The following DRD3 variants were observed in gnomAD, a reference collection of about 807,000 sequenced individuals.
DRD3 encodes the protein D(3) dopamine receptor.
A neutral mutation model predicts 36.3 loss-of-function variants in DRD3; 19 were observed. That is an observed-to-expected ratio of 0.52 (90% CI 0.36 to 0.77). The LOEUF (loss-of-function observed/expected upper bound fraction) is 0.77, where lower values mean the gene tolerates loss of function less well. Ranked by LOEUF, DRD3 falls within the 30% of genes least tolerant of loss-of-function variation. DRD3 has a pLI of 0.00. For missense variants in DRD3, 465 were observed against 505.3 expected (o/e 0.92, Z 0.77); for synonymous variants, 195 against 203.7 (o/e 0.96, Z 0.36).
intron 1 of DRD3, among the ~76,000 whole-genome samples, chr3:114,188,039 T>C (rs984322688): frequency 5.9e-5 from 9 of 152,080 alleles, no homozygotes; most frequent in African/African-American, 1.9e-4. Context: ...CATATAGGTA[T>C]CCAAGTGCAC....
intron 2 of DRD3, among the ~76,000 whole-genome samples, chr3:114,171,092 T>C (rs1294174174): frequency 6.6e-6 from 1 of 152,192 alleles, no homozygotes; most frequent in Non-Finnish European, 1.5e-5. Context: ...TGCTGCACTA[T>C]CTCTCTGGCA....
At chr3:114,147,606 T>C (rs924566168) in intron 3 of DRD3, 49 bp from the exon 4 acceptor site, 11 of 1,583,682 alleles carry the variant, frequency 6.9e-6, no homozygotes, top group African/African-American at 1.3e-5. Context: ...TGGAATGGGG[T>C]ACTTTTCTTT....
At chr3:114,195,336 T>C (rs2078031158) in intron 1 of DRD3, among the ~76,000 whole-genome samples, 1 of 152,194 alleles carries the variant, frequency 6.6e-6, no homozygotes, top group Non-Finnish European at 1.5e-5. Context: ...CATTCAGCCC[T>C]AGTCTAGGTA....
chr3:114,140,708 C>T (rs2077516586), intron 4 of DRD3, among the ~76,000 whole-genome samples: 1 of 152,154 alleles, frequency 6.6e-6, no homozygotes, highest in Admixed American at 6.5e-5. Context: ...AGCCAATGTT[C>T]TTTCTATAAT....
At chr3:114,145,231 A>T (rs1239129648) in intron 4 of DRD3, among the ~76,000 whole-genome samples, 1 of 152,222 alleles carries the variant, frequency 6.6e-6, no homozygotes, top group East Asian at 1.9e-4. Flanking sequence ...ATGCATTTTC[A>T]TATAGAAACA....
intron 4 of DRD3, among the ~76,000 whole-genome samples, chr3:114,141,282 C>T (rs1230497867): frequency 6.6e-6 from 1 of 152,218 alleles, no homozygotes; most frequent in Non-Finnish European, 1.5e-5. Context: ...GATCCACCCT[C>T]CTTGGCCTCC....
intron 1 of DRD3, among the ~76,000 whole-genome samples, chr3:114,198,430 C>T (rs896934124): frequency 6.6e-6 from 1 of 152,016 alleles, no homozygotes; most frequent in Admixed American, 6.6e-5. Context: ...AGCCACTACA[C>T]TCAGCCTGGT....
At chr3:114,190,070 T>C (rs1407036866) in intron 1 of DRD3, among the ~76,000 whole-genome samples, 1 of 152,114 alleles carries the variant, frequency 6.6e-6, no homozygotes, top group African/African-American at 2.4e-5. Flanking sequence ...CTGATTCTTT[T>C]TGAAAATTCA....
intron 6 of DRD3, among the ~76,000 whole-genome samples, chr3:114,129,700 G>T (rs2077409784): frequency 6.6e-6 from 1 of 152,154 alleles, no homozygotes; most frequent in Non-Finnish European, 1.5e-5. Context: ...CACTGAACAG[G>T]ATGAACTGCC....
intron 6 of DRD3, 128 bp from the exon 7 acceptor site, chr3:114,129,040 CTT>C: frequency 9.8e-7 from 1 of 1,015,516 alleles, no homozygotes; most frequent in Non-Finnish European, 1.4e-6. Context: ...TACCCACTTA[CTT>C]TTTTTTATAA....
chr3:114,194,424 A>C (rs1274727010), intron 1 of DRD3, among the ~76,000 whole-genome samples: 2 of 152,168 alleles, frequency 1.3e-5, no homozygotes, highest in Non-Finnish European at 2.9e-5. Context: ...CTGGAATTAC[A>C]ACCGTGTACC....
At chr3:114,198,501 G>A (rs2078048685) in intron 1 of DRD3, among the ~76,000 whole-genome samples, 1 of 152,078 alleles carries the variant, frequency 6.6e-6, no homozygotes, top group African/African-American at 2.4e-5. Flanking sequence ...GCTTTTTATA[G>A]ATTGATTTCG....
intron 1 of DRD3, among the ~76,000 whole-genome samples, chr3:114,173,773 G>T (rs1366134004): frequency 6.6e-6 from 1 of 152,168 alleles, no homozygotes; most frequent in African/African-American, 2.4e-5. Context: ...TTTACTCAAT[G>T]GCTTGTTGGT....
At chr3:114,143,564 T>C (rs910077773) in intron 4 of DRD3, among the ~76,000 whole-genome samples, 2 of 152,226 alleles carry the variant, frequency 1.3e-5, no homozygotes, top group African/African-American at 4.8e-5. Context: ...ATTGATGGAT[T>C]TGACCCCAGC....
intron 1 of DRD3, among the ~76,000 whole-genome samples, chr3:114,177,638 C>G (rs1306273132): frequency 6.6e-6 from 1 of 152,088 alleles, no homozygotes; most frequent in Non-Finnish European, 1.5e-5. Flanking sequence ...TAACAAATAG[C>G]CTTCTGTATG....
chr3:114,160,445 A>G (rs1485736423), intron 2 of DRD3, among the ~76,000 whole-genome samples: 1 of 152,128 alleles, frequency 6.6e-6, no homozygotes, highest in Admixed American at 6.5e-5. Context: ...ACTCCTATAC[A>G]TACCAAGGTT....
intron 2 of DRD3, among the ~76,000 whole-genome samples, chr3:114,166,501 T>G (rs1260564695): frequency 2.6e-5 from 4 of 152,168 alleles, no homozygotes; most frequent in African/African-American, 9.7e-5. Context: ...TTCATTCCCC[T>G]TTTGCCTCTC....
At chr3:114,197,073 C>T (rs1295139090) in intron 1 of DRD3, among the ~76,000 whole-genome samples, 3 of 148,494 alleles carry the variant, frequency 2.0e-5, no homozygotes, top group African/African-American at 7.4e-5. Context: ...TATGCTGGTG[C>T]GCTGCACCCA....
intron 2 of DRD3, among the ~76,000 whole-genome samples, chr3:114,168,462 C>T (rs2077807614): frequency 6.6e-6 from 1 of 152,114 alleles, no homozygotes; most frequent in African/African-American, 2.4e-5. Context: ...GCTTCCTTTG[C>T]AGCTAAAGGT....
Sources: allele counts gnomAD v4.1 joint callset (sites outside exome capture counted in the v4.1 genomes callset), GRCh38; gene constraint gnomAD v4.1.1; transcripts MANE v1.5; gene names NCBI Gene and HGNC (gene_info 2026-07-23, HGNC 2026-07-21).